Variants in SEMA3D observed in about 807,000 individuals in gnomAD.
SEMA3D encodes semaphorin-3D.
In SEMA3D, 84 loss-of-function variants were observed where a neutral mutation model predicts 100.1. The ratio of observed to expected loss-of-function variants is 0.84; its 90% CI spans 0.70 to 1.01. The LOEUF is 1.01. SEMA3D is among the 50% of genes least tolerant of loss of function. The pLI is 0.00. For missense variants in SEMA3D, 875 were observed against 934.1 expected (o/e 0.94, Z 0.82); for synonymous variants, 312 against 320.7 (o/e 0.97, Z 0.29).
rs117968188 is a variant in SEMA3D at position 85,042,442 on chromosome 7, G to C, written c.862-157C>G. On this transcript the variant is annotated intron_variant, in intron 9 of 18. Coordinates refer to ENST00000284136, the MANE Select transcript of SEMA3D (RefSeq NM_001384900.1). ...CCTTGAACTTTAAAATAAGGAAAAA[G>C]ACAGTATTAGCCCTCAATATTAAAT... 2.8e-3 allele frequency among the ~76,000 whole-genome samples: 419 copies of C among 152,176 alleles called. 1 individual carries two copies. The highest frequency in any genetic ancestry group is 5.0e-3 in the Non-Finnish European group (342 of 67,998).
At chr7:85,126,393 T>TGTGTGTGTC (rs1789566040) in intron 2 of SEMA3D, among the ~76,000 whole-genome samples, 1 of 117,492 alleles carries the variant, frequency 8.5e-6, no homozygotes. Context: ...TGTGTGTGTG[T>TGTGTGTGTC]GTGTGTGTGT....
chr7:85,012,492 G>A (rs979611324), intron 17 of SEMA3D, among the ~76,000 whole-genome samples: 2 of 151,658 alleles, frequency 1.3e-5, no homozygotes, highest in Non-Finnish European at 2.9e-5. Flanking sequence ...TCTAATAGCA[G>A]TTTTCAAACT....
chr7:85,065,503 A>G lies in SEMA3D; in HGVS notation c.639T>C (p.Thr213=). Reference sequence around the variant, plus strand: ...TAGGCCCAAGGGATCGAGTGAATGCAGTATCTTTGCCAAGGAAATCAGAAG... The same window carrying G: ...TAGGCCCAAGGGATCGAGTGAATGCGGTATCTTTGCCAAGGAAATCAGAAG... ...GTASDFLGKD[T]AFTRSLGPTH... The change falls in exon 8 of 19, where the codon ACT becomes ACC. Residue 213 remains threonine, a synonymous_variant. Transcript: ENST00000284136. The G allele has an allele frequency of 3.7e-6, 6 of 1,612,982 alleles. 1 individual carries two copies. The Middle Eastern group carries it at 9.9e-4, about 266-fold the overall frequency.
At chr7:85,216,060 A>G in the SEMA3D span, among the ~76,000 whole-genome samples, 1 of 152,064 alleles carries the variant, frequency 6.6e-6, no homozygotes, top group Admixed American at 6.6e-5. Flanking sequence ...ATAATGGCAA[A>G]CTATCACATT....
the SEMA3D span, among the ~76,000 whole-genome samples, chr7:85,196,301 G>A: frequency 6.6e-6 from 1 of 151,992 alleles, no homozygotes; most frequent in Admixed American, 6.6e-5. Context: ...ATTCCAGAGG[G>A]ATTTGATCTA....
At chr7:85,023,263 C>A (rs2115858073) in intron 12 of SEMA3D, among the ~76,000 whole-genome samples, 1 of 151,904 alleles carries the variant, frequency 6.6e-6, no homozygotes, top group Non-Finnish European at 1.5e-5. Context: ...GTTAGCATGA[C>A]CTGCCCCCTG....
At chr7:85,100,812 C>G (rs1788720804) in intron 3 of SEMA3D, among the ~76,000 whole-genome samples, 1 of 151,368 alleles carries the variant, frequency 6.6e-6, no homozygotes, top group Admixed American at 6.6e-5. Context: ...TGGGTTTTAT[C>G]TTAGTTTTTT....
At chr7:85,168,147 T>C (rs1790964211) in intron 1 of SEMA3D, among the ~76,000 whole-genome samples, 1 of 151,860 alleles carries the variant, frequency 6.6e-6, no homozygotes, top group Admixed American at 6.6e-5. Flanking sequence ...TGGCTCTTAT[T>C]ATTTTTTAAA....
chr7:85,084,309 T>A (rs1788156252), intron 4 of SEMA3D, among the ~76,000 whole-genome samples: 1 of 152,210 alleles, frequency 6.6e-6, no homozygotes, highest in Admixed American at 6.5e-5. Flanking sequence ...TTTACCATTT[T>A]AACAATTTTC....
chr7:85,100,194 CAT>C (rs1788703490), intron 3 of SEMA3D, among the ~76,000 whole-genome samples: 1 of 151,928 alleles, frequency 6.6e-6, no homozygotes, highest in South Asian at 2.1e-4. Context: ...AATGCAAATG[CAT>C]AGTTATACAA....
intron 9 of SEMA3D, among the ~76,000 whole-genome samples, chr7:85,050,083 ACACACAC>A (rs1791119807): frequency 7.2e-6 from 1 of 139,694 alleles, no homozygotes; most frequent in East Asian, 2.0e-4. Flanking sequence ...ACACACACAC[ACACACAC>A]ACACACACAC....
At chr7:85,126,318 A>G (rs1789562553) in intron 2 of SEMA3D, among the ~76,000 whole-genome samples, 1 of 151,840 alleles carries the variant, frequency 6.6e-6, no homozygotes, top group African/African-American at 2.4e-5. Flanking sequence ...ACAATGATTA[A>G]AATATGTAAG....
At chr7:85,151,181 T>G (rs748647940) in intron 2 of SEMA3D, among the ~76,000 whole-genome samples, 3 of 151,564 alleles carry the variant, frequency 2.0e-5, no homozygotes, top group Non-Finnish European at 2.9e-5. Context: ...TAAAACTATG[T>G]AAAAAAAATT....
intron 9 of SEMA3D, among the ~76,000 whole-genome samples, chr7:85,045,134 G>A (rs577400002): frequency 2.6e-5 from 4 of 152,024 alleles, no homozygotes; most frequent in Non-Finnish European, 4.4e-5. Context: ...AACTACATAT[G>A]TAGAGATTGG....
chr7:85,144,885 T>C (rs543790887), intron 2 of SEMA3D, among the ~76,000 whole-genome samples: 13 of 152,284 alleles, frequency 8.5e-5, no homozygotes, highest in African/African-American at 3.1e-4. Flanking sequence ...GTGTCCACTG[T>C]ATTTATCTAA....
chr7:85,106,851 A>C lies in SEMA3D; in HGVS notation c.152-8886T>G, dbSNP rs140898468. ...GATGCTTATAAAACCATCAGACCTC[A>C]TGACAACTCACTCACTAAGAGGAGA... On this transcript the variant is annotated intron_variant, in intron 3 of 18. Transcript: ENST00000284136. Among the ~76,000 whole-genome samples, 178 of 152,134 alleles carry C rather than the reference A, an allele frequency of 1.2e-3. 5 individuals carry two copies. The East Asian group carries it at 0.025, about 21-fold the overall frequency.
At chr7:85,011,514 T>C (rs1011058527) in intron 17 of SEMA3D, among the ~76,000 whole-genome samples, 10 of 151,774 alleles carry the variant, frequency 6.6e-5, no homozygotes, top group Non-Finnish European at 1.5e-4. Context: ...TTTACTTGTT[T>C]TGGTATTTAT....
chr7:85,068,498 A>T (rs913492181), intron 6 of SEMA3D, among the ~76,000 whole-genome samples: 3 of 152,228 alleles, frequency 2.0e-5, no homozygotes, highest in East Asian at 1.9e-4. Context: ...AAGTGGCAAT[A>T]TAATACTGAG....
chr7:85,038,839 T>C (rs1163730611), intron 11 of SEMA3D, among the ~76,000 whole-genome samples: 1 of 152,192 alleles, frequency 6.6e-6, no homozygotes, highest in African/African-American at 2.4e-5. Context: ...TGAACATTCA[T>C]ATTCTGTATC....
Sources: gnomAD v4.1 joint callset for allele counts (sites outside exome capture counted in the v4.1 genomes callset) on GRCh38, gnomAD v4.1.1 for gene constraint, MANE v1.5 for transcripts, NCBI Gene and HGNC (gene_info 2026-07-23, HGNC 2026-07-21) for gene names.